NKAIN3: variants seen among roughly 807,000 people sequenced by gnomAD.
The protein encoded by NKAIN3 is sodium/potassium transporting ATPase interacting 3.
In NKAIN3, 25 loss-of-function variants were observed where a neutral mutation model predicts 30.2. The ratio of observed to expected loss-of-function variants is 0.83; its 90% CI spans 0.60 to 1.16. The LOEUF (loss-of-function observed/expected upper bound fraction) is 1.16, where lower values mean the gene tolerates loss of function less well. Among genes scored for constraint, NKAIN3 ranks in the 50% most tolerant of loss-of-function variants. The pLI is 0.00. For synonymous variants in NKAIN3, 91 were observed against 89.6 expected (o/e 1.02, Z -0.09); for missense variants, 225 against 254.1 (o/e 0.89, Z 0.78).
At chr8:62,801,579 TAACA>T (rs1299836180) in intron 4 of NKAIN3, among the ~76,000 whole-genome samples, 3 of 152,064 alleles carry the variant, frequency 2.0e-5, no homozygotes, top group Non-Finnish European at 4.4e-5. Flanking sequence ...GAAGGAAAAC[TAACA>T]AACAGAAAGG....
At chr8:62,891,041 G>A (rs1311036197) in intron 4 of NKAIN3, among the ~76,000 whole-genome samples, 1 of 152,168 alleles carries the variant, frequency 6.6e-6, no homozygotes, top group Admixed American at 6.6e-5. Flanking sequence ...GCAGAGGCAA[G>A]TATGATAGTT....
chr8:62,729,559 G>A (rs1469645618), intron 3 of NKAIN3, among the ~76,000 whole-genome samples: 2 of 152,022 alleles, frequency 1.3e-5, no homozygotes, highest in Non-Finnish European at 2.9e-5. Context: ...GCACCTAGAT[G>A]TTTATTACAG....
rs543166256 is a variant in NKAIN3 at position 62,310,798 on chromosome 8, A to G, written c.54+61671A>G. On this transcript the variant is annotated intron_variant, in intron 1 of 6. Coordinates refer to ENST00000623646, the MANE Select transcript of NKAIN3 (RefSeq NM_001304533.3). ...GCTGGTTATATAAGACCCTGAATCAACCAGCGAGGTGACTCCTCTGCTGCA... is the reference window on the plus strand; with the variant it reads ...GCTGGTTATATAAGACCCTGAATCAGCCAGCGAGGTGACTCCTCTGCTGCA... 2.0e-3 allele frequency among the ~76,000 whole-genome samples: 300 copies of G among 150,476 alleles called. 2 individuals are homozygous for G. Among genetic ancestry groups the G allele is most frequent in the Non-Finnish European group, 3.6e-3 (245 of 68,016 alleles).
chr8:62,851,801 G>T (rs1819906261), intron 4 of NKAIN3, among the ~76,000 whole-genome samples: 1 of 152,194 alleles, frequency 6.6e-6, no homozygotes, highest in Non-Finnish European at 1.5e-5. Context: ...TCCCAAGGAT[G>T]AAGCCCACTT....
At chr8:62,847,597 T>A (rs10283261) in intron 4 of NKAIN3, among the ~76,000 whole-genome samples, 131,879 of 152,112 alleles carry the variant, frequency 0.87, 57,400 homozygotes, top group African/African-American at 0.93. Flanking sequence ...TGTCAGATGG[T>A]TAGAGTGCAA....
chr8:62,435,301 C>A (rs1472307657), intron 1 of NKAIN3, among the ~76,000 whole-genome samples: 2 of 152,082 alleles, frequency 1.3e-5, no homozygotes, highest in Non-Finnish European at 2.9e-5. Context: ...TGACTCATAG[C>A]AGCATCAGAT....
At chr8:62,446,392 G>C (rs560691642) in intron 1 of NKAIN3, among the ~76,000 whole-genome samples, 4 of 152,044 alleles carry the variant, frequency 2.6e-5, no homozygotes, top group African/African-American at 9.6e-5. Context: ...TTAAATATAT[G>C]TCAAAATTAA....
chr8:62,736,807 C>T (rs1815690500), intron 3 of NKAIN3, among the ~76,000 whole-genome samples: 1 of 152,322 alleles, frequency 6.6e-6, no homozygotes, highest in East Asian at 1.9e-4. Flanking sequence ...ATTTGACTGG[C>T]GAGACACAGG....
rs58948762 is a variant in NKAIN3, at chr8:62,770,900, G to C, written c.471+23771G>C. On this transcript the variant is annotated intron_variant, in intron 4 of 6. Coordinates refer to ENST00000623646, the MANE Select transcript of NKAIN3 (RefSeq NM_001304533.3). ...AACAACTGACAGGAGGCTGGTGGGC[G>C]GGGGGTGGAGGGAATGCAGAATCCA... Among the ~76,000 whole-genome samples the C allele has an allele frequency of 9.7e-3, 1,476 of 152,064 alleles. 21 individuals carry two copies. Among genetic ancestry groups the C allele is most frequent in the African/African-American group, 0.034 (1,395 of 41,466 alleles).
intron 3 of NKAIN3, among the ~76,000 whole-genome samples, chr8:62,668,477 A>T (rs981806303): frequency 2.0e-5 from 3 of 152,226 alleles, no homozygotes; most frequent in Non-Finnish European, 4.4e-5. Context: ...AAAATTCAAG[A>T]CCAGTGCTGA....
intron 1 of NKAIN3, among the ~76,000 whole-genome samples, chr8:62,357,734 T>C (rs1816405000): frequency 6.6e-6 from 1 of 152,162 alleles, no homozygotes; most frequent in Non-Finnish European, 1.5e-5. Context: ...TGACCTCTCC[T>C]GAGCCCCCAA....
At chr8:62,806,693 T>C (rs1202012133) in intron 4 of NKAIN3, among the ~76,000 whole-genome samples, 1 of 151,908 alleles carries the variant, frequency 6.6e-6, no homozygotes, top group Non-Finnish European at 1.5e-5. Context: ...TTAGGAGATA[T>C]ACCTAATGCT....
chr8:62,298,634 C>A (rs1451469522), intron 1 of NKAIN3, among the ~76,000 whole-genome samples: 1 of 152,116 alleles, frequency 6.6e-6, no homozygotes, highest in Non-Finnish European at 1.5e-5. Flanking sequence ...AAGTGCTACT[C>A]CTCCTCGGTA....
At chr8:62,518,476 A>G (rs920213023) in intron 1 of NKAIN3, among the ~76,000 whole-genome samples, 8 of 152,174 alleles carry the variant, frequency 5.3e-5, no homozygotes, top group Admixed American at 5.2e-4. Context: ...TATTAATAGT[A>G]ATAGTGCCTC....
chr8:62,549,879 C>A (rs781510438), intron 1 of NKAIN3, among the ~76,000 whole-genome samples: 1 of 149,578 alleles, frequency 6.7e-6, no homozygotes, highest in Non-Finnish European at 1.5e-5. Context: ...TTTGAGAAGC[C>A]CAATACTCAT....
chr8:62,635,610 A>C (rs1812101915), intron 3 of NKAIN3, among the ~76,000 whole-genome samples: 1 of 152,112 alleles, frequency 6.6e-6, no homozygotes, highest in African/African-American at 2.4e-5. Context: ...GATCAGGATT[A>C]GTGTCCTTAT....
chr8:62,737,891 G>C (rs1383933713), intron 3 of NKAIN3, among the ~76,000 whole-genome samples: 1 of 152,040 alleles, frequency 6.6e-6, no homozygotes, highest in Non-Finnish European at 1.5e-5. Flanking sequence ...ACACTGTCTT[G>C]TCTCTTCTTA....
chr8:62,813,906 G>C (rs757872891), intron 4 of NKAIN3, among the ~76,000 whole-genome samples: 1 of 151,990 alleles, frequency 6.6e-6, no homozygotes, highest in African/African-American at 2.4e-5. Flanking sequence ...AAATAGCCTT[G>C]CTGTATATAA....
chr8:62,440,897 C>A (rs1397196158), intron 1 of NKAIN3, among the ~76,000 whole-genome samples: 1 of 152,078 alleles, frequency 6.6e-6, no homozygotes, highest in Non-Finnish European at 1.5e-5. Context: ...TTCCGAATAT[C>A]CTAATTTGTT....
Sources: allele counts gnomAD v4.1 joint callset (sites outside exome capture counted in the v4.1 genomes callset), GRCh38; gene constraint gnomAD v4.1.1; transcripts MANE v1.5; gene names NCBI Gene and HGNC (gene_info 2026-07-23, HGNC 2026-07-21).